The following SMAP2 variants were observed in gnomAD, a reference collection of about 807,000 sequenced individuals.
The protein encoded by SMAP2 is stromal membrane-associated protein 2.
SMAP2 carries 25 observed loss-of-function variants against 56.4 expected under a neutral mutation model. That is an observed-to-expected ratio of 0.44 (90% CI 0.32 to 0.62). SMAP2 has a LOEUF of 0.62. SMAP2 is among the 20% of genes least tolerant of loss of function. The pLI is 0.04. For synonymous variants in SMAP2, 157 were observed against 181.7 expected, an observed-to-expected ratio of 0.86 and a Z score of 1.09; for missense variants, 388 against 545.6, an observed-to-expected ratio of 0.71 and a Z score of 2.88.
intron 9 of SMAP2, among the ~76,000 whole-genome samples, chr1:40,420,486 T>A (rs1645031941): frequency 1.3e-5 from 2 of 151,992 alleles, no homozygotes; most frequent in South Asian, 4.1e-4. Context: ...AAACCAGGTG[T>A]GGAATGGAGG....
chr1:40,403,818 G>A (rs1569896574), intron 1 of SMAP2: 1 of 229,850 alleles, frequency 4.4e-6, no homozygotes, highest in Non-Finnish European at 7.2e-6. Flanking sequence ...CCTACAACTG[G>A]CAGAGTGTGG....
chr1:40,412,993 T>C (rs1243097378), intron 4 of SMAP2, 23 bp from the exon 5 acceptor site: 1 of 1,575,002 alleles, frequency 6.3e-7, no homozygotes, highest in East Asian at 2.2e-5. Flanking sequence ...CCCTGTGTTC[T>C]TTGTCTTGTT....
chr1:40,404,122 G>A (rs982419358), intron 1 of SMAP2, among the ~76,000 whole-genome samples: 1 of 152,044 alleles, frequency 6.6e-6, no homozygotes, highest in African/African-American at 2.4e-5. Flanking sequence ...TGAAATAAAA[G>A]TAACTACACC....
At chr1:40,406,340 T>G (rs1446715435) in intron 1 of SMAP2, among the ~76,000 whole-genome samples, 3 of 152,208 alleles carry the variant, frequency 2.0e-5, no homozygotes, top group African/African-American at 7.2e-5. Flanking sequence ...ACTTATTATA[T>G]AATTCTTTTT....
chr1:40,400,443 A>G (rs1644821132), intron 1 of SMAP2, among the ~76,000 whole-genome samples: 1 of 152,168 alleles, frequency 6.6e-6, no homozygotes, highest in South Asian at 2.1e-4. Context: ...GTAAAAGTGG[A>G]GAGAGAGCTA....
intron 1 of SMAP2, among the ~76,000 whole-genome samples, chr1:40,352,188 A>G (rs1308227617): frequency 1.3e-5 from 2 of 152,152 alleles, no homozygotes; most frequent in Non-Finnish European, 2.9e-5. Flanking sequence ...ATAAGGTGCC[A>G]AAGTCCATCT....
chr1:40,378,816 TA>T (rs1404280747), intron 1 of SMAP2, among the ~76,000 whole-genome samples: 2 of 152,232 alleles, frequency 1.3e-5, no homozygotes, highest in Non-Finnish European at 2.9e-5. Context: ...AATCTACATT[TA>T]AATGTACTTT....
At chr1:40,395,835 A>C (rs1172959762) in intron 1 of SMAP2, among the ~76,000 whole-genome samples, 1 of 152,238 alleles carries the variant, frequency 6.6e-6, no homozygotes, top group Non-Finnish European at 1.5e-5. Flanking sequence ...TTTGTGTTAC[A>C]GGCTTTAATG....
intron 4 of SMAP2, among the ~76,000 whole-genome samples, 185 bp from the exon 5 acceptor site, chr1:40,412,831 G>A (rs890857156): frequency 4.6e-5 from 7 of 152,150 alleles, no homozygotes; most frequent in Non-Finnish European, 8.8e-5. Context: ...GTACAGCATT[G>A]AGGCCAATGT....
rs1337313447 is a variant in SMAP2, at chr1:40,408,771, T to C, written c.323+33T>C. 3 of 1,566,832 alleles carry C rather than the reference T, an allele frequency of 1.9e-6. No homozygotes were observed. In the Admixed American group the frequency reaches 5.0e-5, roughly 26 times the overall value. ...TTCTGGAGCAACTTAGAAGGCTGAG[T>C]GGTATTTTGATGCTTGGGGAGAGTC... On this transcript the variant is annotated intron_variant, in intron 3 of 9. Coordinates refer to ENST00000372718, the MANE Select transcript of SMAP2 (RefSeq NM_022733.3). The surrounding 1 kb of genome is among the most constrained non-coding windows in gnomAD (Gnocchi z 4.3).
At chr1:40,388,859 C>T (rs1028599369) in intron 1 of SMAP2, among the ~76,000 whole-genome samples, 1 of 152,174 alleles carries the variant, frequency 6.6e-6, no homozygotes, top group Non-Finnish European at 1.5e-5. Flanking sequence ...ACACTCACCG[C>T]GAAGGTCTGC....
chr1:40,401,186 T>C (rs423295), intron 1 of SMAP2, among the ~76,000 whole-genome samples: 128,991 of 152,034 alleles, frequency 0.85, 54,989 homozygotes, highest in African/African-American at 0.92. Flanking sequence ...TGGCGTGAAC[T>C]CGGGAGGCGG....
rs542381428 is a variant in SMAP2, at chr1:40,364,768, G to T, written c.55+2332G>T. On this transcript the variant is annotated intron_variant, in intron 2 of 6. Coordinates refer to the SMAP2 transcript ENST00000435168. ...CCAAAAAAAAAAAAAATGGCTCAAG[G>T]CTGTGGATATCCTCCACAGGGACAT... 21 of 152,302 alleles carry T rather than the reference G, an allele frequency of 1.4e-4. No individual in the cohort carries two copies. The East Asian group carries it at 3.7e-3, about 27-fold the overall frequency. The allele number at this position is 152,302 out of a possible 1,614,324, so 9.4% of individuals were successfully genotyped here.
chr1:40,409,865 A>G (rs536854810), intron 4 of SMAP2, 30 bp downstream of exon 4: 3 of 1,386,442 alleles, frequency 2.2e-6, no homozygotes, highest in African/African-American at 1.4e-5. Context: ...AGTTTTGTCC[A>G]CAATAAGTAA....
chr1:40,345,966 CTTTTTT>C (rs71060369), intron 1 of SMAP2, among the ~76,000 whole-genome samples: 7 of 35,294 alleles, frequency 2.0e-4, no homozygotes, highest in African/African-American at 3.4e-4. Context: ...ATTTCTATCA[CTTTTTT>C]TTTTTTTTTT....
chr1:40,385,719 A>G lies in SMAP2; in HGVS notation c.103+11496A>G, dbSNP rs1644646977. On this transcript the variant is annotated intron_variant, in intron 1 of 9. Coordinates refer to ENST00000372718, the MANE Select transcript of SMAP2 (RefSeq NM_022733.3). The surrounding 1 kb of genome is among the most constrained non-coding windows in gnomAD (Gnocchi z 4.5). ...CAGCAGTTGCTGGTGACGGAATACCATAAATCCCCAGGCCTCTACCACAGA... is the reference window on the plus strand; with the variant it reads ...CAGCAGTTGCTGGTGACGGAATACCGTAAATCCCCAGGCCTCTACCACAGA... Among the ~76,000 whole-genome samples the G allele has an allele frequency of 6.6e-6, 1 of 152,238 alleles. No homozygotes were observed. The highest frequency in any genetic ancestry group is 1.5e-5 in the Non-Finnish European group (1 of 68,040).
intron 2 of SMAP2, among the ~76,000 whole-genome samples, chr1:40,362,769 C>T (rs149234779): frequency 1.1e-3 from 168 of 152,162 alleles, no homozygotes; most frequent in African/African-American, 3.9e-3. Context: ...TGCTCTGTCC[C>T]TCGTAAGCAC....
intron 2 of SMAP2, chr1:40,364,671 G>C (rs1238987693): frequency 6.6e-6 from 1 of 151,282 alleles, no homozygotes. Flanking sequence ...TTGAGCCTGG[G>C]AAGTCGAGGT....
Position 40,396,897 on chromosome 1 carries a change from G to A in SMAP2, c.104-9839G>A, listed in dbSNP as rs527644034. On this transcript the variant is annotated intron_variant, in intron 1 of 9. Coordinates refer to ENST00000372718, the MANE Select transcript of SMAP2 (RefSeq NM_022733.3). The stretch of plus-strand genomic sequence containing the variant: ...TATAATGAGTGGAACTGAGGTAACT[G>A]GCACTAGATTTGTTCTTAAAACAAA... The A allele has an allele frequency of 6.9e-5, 67 of 974,388 alleles. No homozygotes were observed. The East Asian group carries it at 5.6e-3, about 81-fold the overall frequency. 60.4% of individuals were successfully genotyped at this position (974,388 alleles called of 1,614,324 possible).
Sources: allele counts gnomAD v4.1 joint callset (sites outside exome capture counted in the v4.1 genomes callset), GRCh38; gene constraint gnomAD v4.1.1; non-coding constraint Gnocchi (gnomAD v3.1); transcripts MANE v1.5; gene names NCBI Gene and HGNC (gene_info 2026-07-23, HGNC 2026-07-21).